SYNPR: variants seen among roughly 807,000 people sequenced by gnomAD.
SYNPR encodes the protein synaptoporin.
SYNPR carries 23 observed loss-of-function variants against 32.9 expected under a neutral mutation model. The observed-to-expected ratio is 0.70, with a 90% CI of 0.50 to 0.99. SYNPR has a LOEUF of 0.99. Ranked by LOEUF, SYNPR falls within the 50% of genes least tolerant of loss-of-function variation. The pLI is 0.00. For synonymous variants in SYNPR, 146 were observed against 135.9 expected (o/e 1.07, Z -0.52); for missense variants, 318 against 349.3 (o/e 0.91, Z 0.71).
intron 2 of SYNPR, among the ~76,000 whole-genome samples, chr3:63,408,877 C>A (rs2088424446): frequency 6.6e-6 from 1 of 152,150 alleles, no homozygotes; most frequent in African/African-American, 2.4e-5. Context: ...CTCAAGTTGA[C>A]ACCTAAAGTT....
chr3:63,494,449 A>G (rs58655865), intron 3 of SYNPR, among the ~76,000 whole-genome samples: 1,292 of 107,922 alleles, frequency 0.012, 29 homozygotes, highest in East Asian at 0.025. Flanking sequence ...ATATATATAC[A>G]CATATATATA....
chr3:63,607,813 A>G (rs1700144916), intron 4 of SYNPR, among the ~76,000 whole-genome samples: 1 of 152,164 alleles, frequency 6.6e-6, no homozygotes, highest in South Asian at 2.1e-4. Flanking sequence ...GCACCACAGC[A>G]TCTATAGAGT....
At chr3:63,306,419 T>A (rs1418230209) in intron 2 of SYNPR, among the ~76,000 whole-genome samples, 1 of 151,912 alleles carries the variant, frequency 6.6e-6, no homozygotes, top group African/African-American at 2.4e-5. Flanking sequence ...AGGATAGCTG[T>A]ACTAAGGCAG....
chr3:63,230,236 C>T (rs949091492), intron 1 of SYNPR, among the ~76,000 whole-genome samples: 9 of 152,126 alleles, frequency 5.9e-5, no homozygotes, highest in Admixed American at 5.9e-4. Flanking sequence ...ACACTTTTGT[C>T]TCTAATGTGA....
At chr3:63,461,525 T>G (rs1700584565) in intron 2 of SYNPR, among the ~76,000 whole-genome samples, 1 of 152,086 alleles carries the variant, frequency 6.6e-6, no homozygotes, top group African/African-American at 2.4e-5. Flanking sequence ...CACAAACCAC[T>G]GGTTCTGTTA....
At chr3:63,370,609 C>CTA (rs1371995289) in intron 2 of SYNPR, among the ~76,000 whole-genome samples, 2 of 152,220 alleles carry the variant, frequency 1.3e-5, no homozygotes, top group African/African-American at 4.8e-5. Flanking sequence ...GGCCTTTTGT[C>CTA]TATGATTTGT....
At chr3:63,349,892 G>A (rs2087483583) in intron 2 of SYNPR, among the ~76,000 whole-genome samples, 1 of 151,894 alleles carries the variant, frequency 6.6e-6, no homozygotes, top group Admixed American at 6.6e-5. Flanking sequence ...TTTTATTTTT[G>A]TCTTTTTAAC....
chr3:63,587,909 G>A (rs2106871763), intron 4 of SYNPR, among the ~76,000 whole-genome samples: 1 of 152,060 alleles, frequency 6.6e-6, no homozygotes, highest in Non-Finnish European at 1.5e-5. Flanking sequence ...CTGCAACCAT[G>A]CACAGTCATT....
At chr3:63,502,503 A>AT (rs2106738894) in intron 3 of SYNPR, among the ~76,000 whole-genome samples, 1 of 152,272 alleles carries the variant, frequency 6.6e-6, no homozygotes, top group South Asian at 2.1e-4. Flanking sequence ...ATAGTACTAT[A>AT]TGGAGTATTT....
At chr3:63,202,002 A>G in the SYNPR span, among the ~76,000 whole-genome samples, 306 of 152,200 alleles carry the variant, frequency 2.0e-3, 1 homozygote, top group African/African-American at 6.8e-3. Flanking sequence ...TATATTAACT[A>G]TTAATATCTA....
At chr3:63,335,336 G>C (rs1203108991) in intron 2 of SYNPR, among the ~76,000 whole-genome samples, 1 of 130,820 alleles carries the variant, frequency 7.6e-6, no homozygotes, top group African/African-American at 2.8e-5. Context: ...CTGGGCAACA[G>C]AGCGAGACTC....
At chr3:63,557,217 T>C (rs1162095357) in intron 4 of SYNPR, among the ~76,000 whole-genome samples, 1 of 152,134 alleles carries the variant, frequency 6.6e-6, no homozygotes, top group African/African-American at 2.4e-5. Flanking sequence ...GTGAAATCAA[T>C]ATAGCCCAGC....
chr3:63,299,077 AT>A (rs1205773228), intron 2 of SYNPR, among the ~76,000 whole-genome samples: 1 of 152,174 alleles, frequency 6.6e-6, no homozygotes, highest in African/African-American at 2.4e-5. Context: ...CTGAGCTTAT[AT>A]TAAAAAAATA....
At chr3:63,200,799 T>G in the SYNPR span, among the ~76,000 whole-genome samples, 1 of 152,202 alleles carries the variant, frequency 6.6e-6, no homozygotes, top group Non-Finnish European at 1.5e-5. Context: ...GGCAGCATTT[T>G]GAAGCCAGCT....
chr3:63,336,506 G>C (rs2087296396), intron 2 of SYNPR, among the ~76,000 whole-genome samples: 1 of 32,704 alleles, frequency 3.1e-5, no homozygotes. Flanking sequence ...TAGAACAAGT[G>C]GACATTCCCA....
At chr3:63,380,153 C>T (rs939577642) in intron 2 of SYNPR, among the ~76,000 whole-genome samples, 18 of 152,010 alleles carry the variant, frequency 1.2e-4, no homozygotes, top group African/African-American at 2.9e-4. Context: ...AACATACATC[C>T]GCATGTGTCT....
At chr3:63,242,755 A>G (rs2086257848) in intron 1 of SYNPR, among the ~76,000 whole-genome samples, 1 of 152,098 alleles carries the variant, frequency 6.6e-6, no homozygotes, top group Admixed American at 6.6e-5. Context: ...CAAAAGGAAG[A>G]ATTTGCACAC....
chr3:63,429,447 T>C (rs565375591), intron 2 of SYNPR, among the ~76,000 whole-genome samples: 5 of 152,228 alleles, frequency 3.3e-5, no homozygotes, highest in Non-Finnish European at 5.9e-5. Context: ...TTACCAGGAC[T>C]GGCACCATCT....
intron 2 of SYNPR, among the ~76,000 whole-genome samples, chr3:63,302,953 A>T (rs2086872458): frequency 6.6e-6 from 1 of 151,994 alleles, no homozygotes; most frequent in Non-Finnish European, 1.5e-5. Flanking sequence ...AAGGTGATGG[A>T]TATCCCAAAT....
Sources: gnomAD v4.1 joint callset for allele counts (sites outside exome capture counted in the v4.1 genomes callset) on GRCh38, gnomAD v4.1.1 for gene constraint, MANE v1.5 for transcripts, NCBI Gene and HGNC (gene_info 2026-07-23, HGNC 2026-07-21) for gene names.